NACC2: variants seen among roughly 807,000 people sequenced by gnomAD.
NACC2 encodes the protein NACC family member 2, also known as nucleus accumbens-associated protein 2.
NACC2 carries 8 observed loss-of-function variants against 25.1 expected under a neutral mutation model. The ratio of observed to expected loss-of-function variants is 0.32; its 90% CI spans 0.19 to 0.57. The LOEUF (loss-of-function observed/expected upper bound fraction) is 0.57, where lower values mean the gene tolerates loss of function less well. Among genes scored for constraint, NACC2 ranks in the 20% least tolerant of loss-of-function variants. The pLI is 0.89. For synonymous variants in NACC2, 435 were observed against 294.7 expected, an observed-to-expected ratio of 1.48 and a Z score of -4.88; for missense variants, 644 against 650.2, an observed-to-expected ratio of 0.99 and a Z score of 0.10.
chr9:136,082,438 G>A (rs1314234419), intron 1 of NACC2, among the ~76,000 whole-genome samples: 1 of 152,214 alleles, frequency 6.6e-6, no homozygotes, highest in Admixed American at 6.5e-5. Context: ...GTGTGCACAG[G>A]GCCGAGCTGA....
intron 2 of NACC2, 133 bp from the exon 3 acceptor site, chr9:136,016,562 ACT>A (rs1840207028): frequency 1.9e-6 from 2 of 1,028,316 alleles, no homozygotes; most frequent in African/African-American, 3.2e-5. Flanking sequence ...AGGTGAGGCC[ACT>A]CTGTGCCGCT....
In NACC2 at chr9:136,086,437, C is replaced by T. The variant is rs924933872; in HGVS notation, c.-60+8752G>A. Among the ~76,000 whole-genome samples the T allele has an allele frequency of 6.6e-6, 1 of 152,120 alleles. No homozygotes were observed. On this transcript the variant is annotated intron_variant, in intron 1 of 5. Coordinates refer to ENST00000277554, the MANE Select transcript of NACC2 (RefSeq NM_144653.5). This position sits in a 1 kb window ranked among gnomAD's most constrained non-coding sequence, Gnocchi z 5.6. ...GGCACCGGGCCTGGCTCTTGAGGTC[C>T]CAGGTCTGCGAGCGGCTGGGCTTCC...
At chr9:136,052,486 G>C (rs1243527291) in intron 1 of NACC2, among the ~76,000 whole-genome samples, 1 of 152,058 alleles carries the variant, frequency 6.6e-6, no homozygotes, top group African/African-American at 2.4e-5. Context: ...CCAGGGAAGG[G>C]GAGGGGAGGT....
chr9:136,033,482 T>TACTAAACCG (rs1289161984), intron 2 of NACC2, among the ~76,000 whole-genome samples: 1 of 91,342 alleles, frequency 1.1e-5, no homozygotes, highest in Non-Finnish European at 3.4e-5. Context: ...CTACTAAACC[T>TACTAAACCG]CTACTAAAAA....
At chr9:136,080,254 C>T (rs955286228) in intron 1 of NACC2, among the ~76,000 whole-genome samples, 5 of 152,204 alleles carry the variant, frequency 3.3e-5, no homozygotes, top group Non-Finnish European at 4.4e-5. Context: ...CCCAGCAGGG[C>T]CCCCGCACCC....
intron 1 of NACC2, among the ~76,000 whole-genome samples, chr9:136,053,578 C>T (rs910571708): frequency 9.2e-5 from 14 of 152,306 alleles, no homozygotes; most frequent in Middle Eastern, 3.4e-3. Flanking sequence ...CTCATAAGCT[C>T]GGCAAGGGCT....
rs1840241052 is a variant in NACC2, at chr9:136,018,749, A to G, written c.887-2320T>C. ...CGCAGGATAAGCCCAGAATTACCCG[A>G]GTGCTCAGGGAACACAGCAAAACAA... On this transcript the variant is annotated intron_variant, in intron 2 of 5. Coordinates refer to ENST00000277554, the MANE Select transcript of NACC2 (RefSeq NM_144653.5). This position sits in a 1 kb window ranked among gnomAD's most constrained non-coding sequence, Gnocchi z 4.4. 6.6e-6 allele frequency among the ~76,000 whole-genome samples: 1 copy of G among 152,030 alleles called. No homozygotes were observed. Among genetic ancestry groups the G allele is most frequent in the Admixed American group, 6.5e-5 (1 of 15,282 alleles).
At chr9:136,082,760 G>A (rs1394965184) in intron 1 of NACC2, among the ~76,000 whole-genome samples, 2 of 152,142 alleles carry the variant, frequency 1.3e-5, no homozygotes, top group African/African-American at 4.8e-5. Flanking sequence ...CCTCTCCCCG[G>A]CGGGTGGGGC....
intron 1 of NACC2, among the ~76,000 whole-genome samples, chr9:136,088,601 C>T (rs1830402908): frequency 6.6e-6 from 1 of 152,224 alleles, no homozygotes; most frequent in South Asian, 2.1e-4. Flanking sequence ...GGTTAACCAT[C>T]AGCAGGGGCT....
chr9:136,073,366 G>A (rs1830220804), intron 1 of NACC2, among the ~76,000 whole-genome samples: 1 of 152,082 alleles, frequency 6.6e-6, no homozygotes, highest in Non-Finnish European at 1.5e-5. Flanking sequence ...GGAGGTGAAG[G>A]CTGCAGTGAG....
intron 1 of NACC2, among the ~76,000 whole-genome samples, chr9:136,067,315 G>C (rs893960349): frequency 3.9e-5 from 6 of 152,072 alleles, no homozygotes; most frequent in African/African-American, 1.4e-4. Flanking sequence ...GGGAGCAGTG[G>C]GGGTGGGGGA....
In NACC2 at chr9:136,049,740, G is replaced by T. The variant is rs1229032693; in HGVS notation, c.782C>A (p.Thr261Asn). Residue 261 changes from threonine (T) to asparagine (N), a missense_variant, in exon 2 of 6, where the codon ACC (threonine) becomes AAC (asparagine). Coordinates refer to ENST00000277554, the MANE Select transcript of NACC2 (RefSeq NM_144653.5). ...ASSLPTTDSP[T>N]SYHNEEDEED... ...CTCGTCCTCCTCGTTGTGGTACGAG[G>T]TGGGGCTGTCGGTGGTGGGCAGGCT... 13 of 778,922 alleles carry T rather than the reference G, an allele frequency of 1.7e-5. No homozygotes were observed. Among genetic ancestry groups the T allele is most frequent in the Non-Finnish European group, 2.9e-5 (12 of 417,472 alleles). The allele number at this position is 778,922 out of a possible 1,614,324, so 48.3% of individuals were successfully genotyped here.
At chr9:136,052,755 C>A (rs1840865509) in intron 1 of NACC2, among the ~76,000 whole-genome samples, 1 of 152,254 alleles carries the variant, frequency 6.6e-6, no homozygotes, top group South Asian at 2.1e-4. Context: ...GGCCGCCTCG[C>A]TCCTCCCGCA....
intron 1 of NACC2, among the ~76,000 whole-genome samples, chr9:136,052,549 C>T (rs1360614816): frequency 6.6e-6 from 1 of 152,048 alleles, no homozygotes; most frequent in African/African-American, 2.4e-5. Flanking sequence ...GTGGGTGAGG[C>T]GGCACCCCAG....
intron 1 of NACC2, among the ~76,000 whole-genome samples, chr9:136,054,517 G>A (rs1431666042): frequency 3.3e-5 from 5 of 152,190 alleles, no homozygotes; most frequent in African/African-American, 1.2e-4. Flanking sequence ...CACGCCCCCA[G>A]GGCCAGGAAA....
At position 136,084,729 on chromosome 9, in the gene NACC2, A is replaced by G. The variant is rs116096125; in HGVS notation, c.-60+10460T>C. On this transcript the variant is annotated intron_variant, in intron 1 of 5. Transcript: ENST00000277554. This position sits in a 1 kb window ranked among gnomAD's most constrained non-coding sequence, Gnocchi z 5.1. The stretch of plus-strand genomic sequence containing the variant: ...AGTCAAAGGAAATGGCGGCGGGCGC[A>G]CACACACACATACATCACGCAGCCT... 3.1e-3 allele frequency among the ~76,000 whole-genome samples: 467 copies of G among 152,298 alleles called. 3 individuals are homozygous for G. The highest frequency in any genetic ancestry group is 0.01 in the African/African-American group (426 of 41,564).
At chr9:136,058,324 C>A (rs902775090) in intron 1 of NACC2, among the ~76,000 whole-genome samples, 1 of 152,268 alleles carries the variant, frequency 6.6e-6, no homozygotes, top group Non-Finnish European at 1.5e-5. Context: ...CCATCCTGCC[C>A]GGTCCCCACG....
intron 2 of NACC2, among the ~76,000 whole-genome samples, chr9:136,021,771 G>A (rs193202381): frequency 6.9e-4 from 105 of 152,332 alleles, no homozygotes; most frequent in Non-Finnish European, 1.3e-3. Context: ...CCGCTTGGCT[G>A]TGAAAAGGAA....
At chr9:136,041,085 G>C (rs1840622396) in intron 2 of NACC2, among the ~76,000 whole-genome samples, 1 of 121,024 alleles carries the variant, frequency 8.3e-6, no homozygotes, top group African/African-American at 2.9e-5. Flanking sequence ...GGAAAGGAAG[G>C]AAGCAAAGGA....
Sources: allele counts gnomAD v4.1 joint callset (sites outside exome capture counted in the v4.1 genomes callset), GRCh38; gene constraint gnomAD v4.1.1; non-coding constraint Gnocchi (gnomAD v3.1); transcripts MANE v1.5; gene names NCBI Gene and HGNC (gene_info 2026-07-23, HGNC 2026-07-21).